TOGARAM1: variants seen among roughly 807,000 people sequenced by gnomAD.
TOGARAM1 encodes the protein TOG array regulator of axonemal microtubules protein 1.
Under a neutral mutation model 166.6 loss-of-function variants are expected in TOGARAM1, and 100 were observed. That is an observed-to-expected ratio of 0.60 (90% CI 0.51 to 0.71). The LOEUF is 0.71. Among genes scored for constraint, TOGARAM1 ranks in the 30% least tolerant of loss-of-function variants. The pLI, the probability that TOGARAM1 is intolerant of heterozygous loss-of-function variation, is 0.00. For synonymous variants in TOGARAM1, 758 were observed against 763.8 expected (o/e 0.99, Z 0.13); for missense variants, 2,029 against 2,102.7 (o/e 0.96, Z 0.69).
At chr14:45,051,698 T>C (rs1036451804) in intron 14 of TOGARAM1, among the ~76,000 whole-genome samples, 4 of 152,028 alleles carry the variant, frequency 2.6e-5, no homozygotes, top group Non-Finnish European at 5.9e-5. Context: ...TAACTGGGAT[T>C]ACCTGAGCAC....
At chr14:45,036,985 C>T (rs940740266) in intron 11 of TOGARAM1, among the ~76,000 whole-genome samples, 1 of 152,148 alleles carries the variant, frequency 6.6e-6, no homozygotes, top group African/African-American at 2.4e-5. Context: ...GCGGAAACCC[C>T]TGATAAACTC....
At chr14:44,986,070 T>G (rs973649684) in intron 1 of TOGARAM1, among the ~76,000 whole-genome samples, 1 of 152,206 alleles carries the variant, frequency 6.6e-6, no homozygotes, top group South Asian at 2.1e-4. Flanking sequence ...ATTTTGTATT[T>G]TGAAAGTAGT....
chr14:44,963,717 C>A lies in TOGARAM1; in HGVS notation c.1296C>A (p.Phe432Leu). 6.2e-7 allele frequency: 1 copy of A among 1,613,976 alleles called. No individual in the cohort carries two copies. The highest frequency in any genetic ancestry group is 1.1e-5 in the South Asian group (1 of 91,076). Reference sequence around the variant, plus strand: ...GCCTTGGAGAGCAGGTACAGCAGTTCTTGGGACCAGTTATAGCAGCTTCTG... The same window carrying A: ...GCCTTGGAGAGCAGGTACAGCAGTTATTGGGACCAGTTATAGCAGCTTCTG... ...VIRLGEQVQQFLGPVIAASVK... is the reference protein window; with the variant it reads ...VIRLGEQVQQLLGPVIAASVK... Residue 432 changes from phenylalanine to leucine, a missense_variant, in exon 1 of 20, where the codon TTC becomes TTA. Transcript: ENST00000361462.
chr14:44,999,089 A>G (rs1887568797), intron 2 of TOGARAM1, among the ~76,000 whole-genome samples: 1 of 152,310 alleles, frequency 6.6e-6, no homozygotes, highest in Admixed American at 6.5e-5. Context: ...TGCTGAGAGA[A>G]AGAGTGTAGG....
intron 15 of TOGARAM1, 79 bp from the exon 16 acceptor site, chr14:45,054,352 C>T (rs963652510): frequency 2.1e-5 from 18 of 868,674 alleles, no homozygotes; most frequent in Non-Finnish European, 3.2e-5. Context: ...ATGATGCCTA[C>T]TTTGAAAATT....
In TOGARAM1 at chr14:44,999,324, C is replaced by T. The variant is rs756021356; in HGVS notation, c.2204-39C>T. The T allele has an allele frequency of 1.0e-5, 15 of 1,488,532 alleles. No homozygotes were observed. The East Asian group carries it at 3.5e-4, about 35-fold the overall frequency. The allele number at this position is 1,488,532 out of a possible 1,614,324, so 92.2% of individuals were successfully genotyped here. A position where few individuals can be genotyped will look rare whatever the true frequency, so the allele number is the denominator to read the frequency against. ...AAATGTATTCATGAAATAAAGTTAA[C>T]TTTTGCTTTTATGTTTTCTCCCTTC... On this transcript the variant is annotated intron_variant, in intron 2 of 19. Transcript: ENST00000361462.
In TOGARAM1 at chr14:45,004,208, A is replaced by G. The variant is rs754074614; in HGVS notation, c.2486A>G (p.His829Arg). The G allele has an allele frequency of 6.2e-7, 1 of 1,614,064 alleles. No homozygotes were observed. Among genetic ancestry groups the G allele is most frequent in the South Asian group, 1.1e-5 (1 of 91,080 alleles). Residue 829 changes from histidine (H) to arginine (R), a missense_variant, in exon 4 of 20, where the codon CAT (histidine) becomes CGT (arginine). By Grantham distance (29) the His-to-Arg change is conservative (BLOSUM62 0). This residue lies in a region of TOGARAM1 where 1,453 missense variants were observed against 1,432.2 expected (regional missense o/e 1.01). Transcript: ENST00000361462. ...PVSSPRTSPK[H>R]TSPLIISPKK... ...TCATCACCTCGAACTAGTCCAAAGCATACATCTCCTCTTATTATATCTCCA... is the reference window on the plus strand; with the variant it reads ...TCATCACCTCGAACTAGTCCAAAGCGTACATCTCCTCTTATTATATCTCCA...
chr14:45,049,218 T>C (rs932628455), intron 14 of TOGARAM1, among the ~76,000 whole-genome samples: 1 of 151,986 alleles, frequency 6.6e-6, no homozygotes, highest in African/African-American at 2.4e-5. Flanking sequence ...CTCCCCTTCA[T>C]AGGATCTTTC....
At position 44,973,267 on chromosome 14, in the gene TOGARAM1, G is replaced by A. The variant is rs927859918; in HGVS notation, c.2046+8800G>A. Among the ~76,000 whole-genome samples, 5 of 150,570 alleles carry A rather than the reference G, an allele frequency of 3.3e-5. No homozygotes were observed. The South Asian group carries it at 8.4e-4, about 25-fold the overall frequency. On this transcript the variant is annotated intron_variant, in intron 1 of 19. Coordinates refer to ENST00000361462, the MANE Select transcript of TOGARAM1 (RefSeq NM_001308120.2). ...TTTTTTTTTAAATTACTTTTTTTTA[G>A]TAGTTTCCCTAGAGTGTGTAATACA... is the stretch of plus-strand genomic sequence containing the variant.
At chr14:45,024,530 A>G (rs1880713851) in intron 7 of TOGARAM1, among the ~76,000 whole-genome samples, 1 of 152,192 alleles carries the variant, frequency 6.6e-6, no homozygotes, top group Non-Finnish European at 1.5e-5. Flanking sequence ...ATTGGAGATA[A>G]CATGTCTTTT....
At position 45,009,127 on chromosome 14, in the gene TOGARAM1, C is replaced by A. The variant is rs1879640883; in HGVS notation, c.3119C>A (p.Pro1040His). ...TTGACTTCTTCTCTGTCTACAACTCCCCAGGGGAAGAGAATAATGTATTTT... is the reference window on the plus strand; with the variant it reads ...TTGACTTCTTCTCTGTCTACAACTCACCAGGGGAAGAGAATAATGTATTTT... ...ESLTSSLSTT[P>H]QGKRIMSDIF... is the part of the protein sequence containing the mutation. Residue 1040 changes from proline to histidine, a missense_variant, in exon 6 of 20, where the codon CCC becomes CAC. Around this residue, in one of 2 missense-constraint regions of TOGARAM1, gnomAD observed 1,453 missense variants for 1,432.2 expected, o/e 1.01. Transcript: ENST00000361462. 1.2e-6 allele frequency: 2 copies of A among 1,612,122 alleles called. No individual in the cohort carries two copies. Among genetic ancestry groups the A allele is most frequent in the South Asian group, 2.2e-5 (2 of 90,918 alleles).
intron 1 of TOGARAM1, among the ~76,000 whole-genome samples, chr14:44,991,105 TGC>T (rs1887105300): frequency 6.6e-6 from 1 of 151,694 alleles, no homozygotes; most frequent in South Asian, 2.1e-4. Flanking sequence ...ACTACCGGAA[TGC>T]AACACCAGGC....
chr14:45,054,599 T>C (rs778971654), intron 16 of TOGARAM1, 50 bp downstream of exon 16: 1 of 1,291,198 alleles, frequency 7.7e-7, no homozygotes, highest in South Asian at 1.4e-5. Context: ...CTTGTGATAG[T>C]AGTCTCATTT....
At chr14:44,985,253 C>T (rs1886731403) in intron 1 of TOGARAM1, among the ~76,000 whole-genome samples, 1 of 152,168 alleles carries the variant, frequency 6.6e-6, no homozygotes, top group Admixed American at 6.5e-5. Context: ...ACTTTGTGAA[C>T]CGCCCGTCTC....
At chr14:44,977,437 C>T (rs542611970) in intron 1 of TOGARAM1, among the ~76,000 whole-genome samples, 157 of 151,200 alleles carry the variant, frequency 1.0e-3, no homozygotes, top group Non-Finnish European at 1.8e-3. Context: ...GGGGTTTCAC[C>T]GTGTTAGCTG....
At chr14:45,009,538 T>G (rs1313828670) in intron 6 of TOGARAM1, among the ~76,000 whole-genome samples, 2 of 152,206 alleles carry the variant, frequency 1.3e-5, no homozygotes, top group Non-Finnish European at 2.9e-5. Flanking sequence ...TTCCTCTAAT[T>G]TATGAATAAG....
chr14:44,991,845 T>C (rs1016150227), intron 1 of TOGARAM1, among the ~76,000 whole-genome samples: 2 of 152,026 alleles, frequency 1.3e-5, no homozygotes, highest in African/African-American at 4.8e-5. Flanking sequence ...TTTAAGTTTA[T>C]ATCTTATTTC....
At chr14:45,067,433 C>G (rs1883187850) in intron 17 of TOGARAM1, among the ~76,000 whole-genome samples, 1 of 152,074 alleles carries the variant, frequency 6.6e-6, no homozygotes, top group South Asian at 2.1e-4. Context: ...CTCCTGTGTA[C>G]CTATCTTTAG....
intron 1 of TOGARAM1, among the ~76,000 whole-genome samples, chr14:44,977,872 A>G (rs780145499): frequency 1.3e-5 from 2 of 151,562 alleles, no homozygotes; most frequent in African/African-American, 4.9e-5. Context: ...CTGGTCTCGA[A>G]CTCCTGAGCT....
Sources: gnomAD v4.1 joint callset for allele counts (sites outside exome capture counted in the v4.1 genomes callset) on GRCh38, gnomAD v4.1.1 for gene constraint, gnomAD v4.1.1 regional missense constraint, MANE v1.5 for transcripts, NCBI Gene and HGNC (gene_info 2026-07-23, HGNC 2026-07-21) for gene names.